CSMD2: variants seen among roughly 807,000 people sequenced by gnomAD.
CSMD2 encodes CUB and Sushi multiple domains 2, also known as CUB and sushi domain-containing protein 2.
Under a neutral mutation model 398.5 loss-of-function variants are expected in CSMD2, and 130 were observed. The ratio of observed to expected loss-of-function variants is 0.33; its 90% confidence interval spans 0.28 to 0.38. The LOEUF (loss-of-function observed/expected upper bound fraction) is 0.38. Among genes scored for constraint, CSMD2 ranks in the 10% least tolerant of loss-of-function variants. The probability of loss-of-function intolerance (pLI) is 1.00; values close to 1 mark genes in which losing one functional copy is unlikely to be tolerated. For missense variants in CSMD2, 3,829 were observed against 4,764.9 expected (o/e 0.80, Z 5.78); for synonymous variants, 1,828 against 1,908.5 (o/e 0.96, Z 1.10).
chr1:33,979,966 G>A (rs1009125307), intron 3 of CSMD2, among the ~76,000 whole-genome samples: 4 of 152,198 alleles, frequency 2.6e-5, no homozygotes, highest in African/African-American at 9.7e-5. Context: ...CTGTGTCTGT[G>A]TAAGTCTGGG....
intron 15 of CSMD2, among the ~76,000 whole-genome samples, chr1:33,728,256 A>G (rs1646604710): frequency 6.6e-6 from 1 of 152,136 alleles, no homozygotes; most frequent in Non-Finnish European, 1.5e-5. Context: ...GCTACATAGC[A>G]CTTCTCTCTC....
chr1:33,819,204 G>T (rs760114909), intron 9 of CSMD2, among the ~76,000 whole-genome samples: 2 of 152,172 alleles, frequency 1.3e-5, no homozygotes, highest in Non-Finnish European at 2.9e-5. Flanking sequence ...GGGATGTGGT[G>T]GCAGGGCCCT....
intron 10 of CSMD2, among the ~76,000 whole-genome samples, chr1:33,801,196 C>A (rs1158263923): frequency 6.6e-6 from 1 of 152,170 alleles, no homozygotes; most frequent in Non-Finnish European, 1.5e-5. Context: ...TCCCTCCCAT[C>A]CTCACTCTCC....
chr1:33,515,179 G>A lies in CSMD2; in HGVS notation c.*1445C>T, dbSNP rs1004870972. The A allele has an allele frequency of 1.3e-5, 2 of 152,190 alleles. No individual in the cohort carries two copies. The highest frequency in any genetic ancestry group is 1.3e-4 in the Admixed American group (2 of 15,282). The allele number at this position is 152,190 out of a possible 1,614,324, so 9.4% of individuals were successfully genotyped here. On this transcript the variant is annotated 3_prime_UTR_variant, in exon 71 of 71. Coordinates refer to ENST00000373381, the MANE Select transcript of CSMD2 (RefSeq NM_001281956.2). ...CTGTCAAAATCAATCAAACCCACTCGCAAGGAGCTGGAGAGGTGTGACTTT... is the reference window on the plus strand; with the variant it reads ...CTGTCAAAATCAATCAAACCCACTCACAAGGAGCTGGAGAGGTGTGACTTT...
Position 33,739,122 on chromosome 1 carries a change from C to G in CSMD2, c.2368+18G>C. On this transcript the variant is annotated intron_variant, in intron 15 of 70. Transcript: ENST00000373381. ...TCTGGCTGACAATGGCCACTGCTCC[C>G]AGCCTGCAGGCTCGTACCTTCACAC... 3 of 1,604,454 alleles carry G rather than the reference C, an allele frequency of 1.9e-6. No homozygotes were observed. The highest frequency in any genetic ancestry group is 8.5e-7 in the Non-Finnish European group (1 of 1,176,066).
intron 2 of CSMD2, among the ~76,000 whole-genome samples, chr1:34,057,859 T>C (rs1485170495): frequency 1.3e-5 from 2 of 152,186 alleles, no homozygotes; most frequent in Non-Finnish European, 2.9e-5. Context: ...AATTTGCATA[T>C]TACTACTTGG....
At chr1:33,675,188 T>G (rs143567912) in intron 25 of CSMD2, among the ~76,000 whole-genome samples, 21,808 of 151,892 alleles carry the variant, frequency 0.14, 1,622 homozygotes, top group South Asian at 0.22. Flanking sequence ...TTTGAAAAGA[T>G]CAACAAAATT....
chr1:33,714,172 T>C (rs1013463921), intron 21 of CSMD2, among the ~76,000 whole-genome samples: 31 of 152,280 alleles, frequency 2.0e-4, no homozygotes, highest in African/African-American at 6.7e-4. Context: ...CTCCTCCAGA[T>C]GGGGACTCCC....
intron 14 of CSMD2, among the ~76,000 whole-genome samples, chr1:33,741,340 G>A (rs1242197403): frequency 6.6e-6 from 1 of 152,010 alleles, no homozygotes; most frequent in East Asian, 1.9e-4. Flanking sequence ...AAATCCTATG[G>A]GAGAGACTAC....
At chr1:33,920,953 T>C (rs993667374) in intron 4 of CSMD2, among the ~76,000 whole-genome samples, 1 of 151,864 alleles carries the variant, frequency 6.6e-6, no homozygotes, top group African/African-American at 2.4e-5. Context: ...GGGGAGAGGG[T>C]GTTTTAGGCA....
At chr1:34,128,983 C>T (rs1479171050) in intron 1 of CSMD2, among the ~76,000 whole-genome samples, 1 of 139,176 alleles carries the variant, frequency 7.2e-6, no homozygotes, top group East Asian at 2.4e-4. Context: ...CAGACGTCCA[C>T]GTCCACTACA....
chr1:33,531,886 T>C (rs1051782558), intron 64 of CSMD2, among the ~76,000 whole-genome samples: 5 of 152,150 alleles, frequency 3.3e-5, no homozygotes, highest in Admixed American at 6.5e-5. Flanking sequence ...ATTCTGGAAA[T>C]GGATAGTGGT....
chr1:33,591,097 T>C (rs918956979), intron 44 of CSMD2, among the ~76,000 whole-genome samples: 1 of 147,370 alleles, frequency 6.8e-6, no homozygotes, highest in Non-Finnish European at 1.5e-5. Flanking sequence ...CAAGTGATTC[T>C]CCTGCCTCAC....
chr1:33,994,031 A>G (rs577499928), intron 3 of CSMD2, among the ~76,000 whole-genome samples: 2 of 152,324 alleles, frequency 1.3e-5, no homozygotes, highest in South Asian at 4.1e-4. Context: ...GCTTTTGCCC[A>G]TGGGTGGAGA....
At chr1:34,111,980 A>G (rs1002460764) in intron 1 of CSMD2, among the ~76,000 whole-genome samples, 15 of 144,204 alleles carry the variant, frequency 1.0e-4, no homozygotes, top group African/African-American at 3.4e-4. Context: ...AATTCTTTCA[A>G]ATTCTCTCTC....
At chr1:33,819,230 CAGAT>C (rs1657820499) in intron 9 of CSMD2, among the ~76,000 whole-genome samples, 1 of 152,168 alleles carries the variant, frequency 6.6e-6, no homozygotes, top group Non-Finnish European at 1.5e-5. Context: ...ACAAAACACC[CAGAT>C]AGGGGGTTAG....
intron 3 of CSMD2, among the ~76,000 whole-genome samples, chr1:34,011,333 A>G (rs1647296687): frequency 6.6e-6 from 1 of 152,226 alleles, no homozygotes; most frequent in Admixed American, 6.5e-5. Flanking sequence ...GACTGCTATC[A>G]AAACTGACAA....
rs144238418 is a variant in CSMD2 at position 33,583,793 on chromosome 1, T to A, written c.7089A>T (p.Thr2363=). The change falls in exon 47 of 71, where the codon ACA becomes ACT. Residue 2363 remains threonine, a synonymous_variant. Coordinates refer to ENST00000373381, the MANE Select transcript of CSMD2 (RefSeq NM_001281956.2). The part of the protein sequence containing the change: ...CPTNELLTDS[T]GVILSQSYPG... ...GGTAGCTCTGGCTCAGGATCACGCC[T>A]GTGGAGTCTGTCAGAAGCTCATTTG... is the stretch of plus-strand genomic sequence containing the variant. 3.5e-5 allele frequency: 57 copies of A among 1,614,156 alleles called. No individual in the cohort carries two copies. The highest frequency in any genetic ancestry group is 3.5e-4 in the Admixed American group (21 of 60,026).
intron 5 of CSMD2, among the ~76,000 whole-genome samples, chr1:33,903,807 C>T (rs186289852): frequency 7.9e-5 from 12 of 152,120 alleles, no homozygotes; most frequent in East Asian, 5.8e-4. Context: ...GCTGCATGGA[C>T]GGGAAAGTCT....
Sources: allele counts gnomAD v4.1 joint callset (sites outside exome capture counted in the v4.1 genomes callset), GRCh38; gene constraint gnomAD v4.1.1; transcripts MANE v1.5; gene names NCBI Gene and HGNC (gene_info 2026-07-23, HGNC 2026-07-21).